Variants in RANBP3 observed in about 807,000 individuals in gnomAD.
The protein encoded by RANBP3 is ran-binding protein 3.
Under a neutral mutation model 77.3 loss-of-function variants are expected in RANBP3, and 14 were observed. The ratio of observed to expected loss-of-function variants is 0.18; its 90% CI spans 0.12 to 0.28. The LOEUF is 0.28. RANBP3 is among the 10% of genes least tolerant of loss of function. RANBP3 has a pLI of 1.00. For synonymous variants in RANBP3, 315 were observed against 312.4 expected, an observed-to-expected ratio of 1.01 and a Z score of -0.09; for missense variants, 586 against 752.3, an observed-to-expected ratio of 0.78 and a Z score of 2.59.
At chr19:5,956,625 T>C (rs2058337676) in intron 2 of RANBP3, among the ~76,000 whole-genome samples, 2 of 152,168 alleles carry the variant, frequency 1.3e-5, no homozygotes, top group Admixed American at 1.3e-4. Context: ...GGGAGGGGTG[T>C]GCTGGGGGAG....
At chr19:5,966,502 A>G (rs2058469367) in intron 1 of RANBP3, among the ~76,000 whole-genome samples, 1 of 152,208 alleles carries the variant, frequency 6.6e-6, no homozygotes, top group Non-Finnish European at 1.5e-5. Flanking sequence ...CTAAGCTGAC[A>G]ACACACACAC....
intron 15 of RANBP3, 76 bp downstream of exon 15, chr19:5,918,420 C>A (rs2057773375): frequency 1.4e-6 from 1 of 705,200 alleles, no homozygotes. Flanking sequence ...ACCGTCCTGC[C>A]TGATCTGTGT....
chr19:5,935,999 C>A (rs887109904), intron 5 of RANBP3, among the ~76,000 whole-genome samples: 1 of 152,230 alleles, frequency 6.6e-6, no homozygotes, highest in Non-Finnish European at 1.5e-5. Context: ...GCAGCCTTTG[C>A]CCTCCTGGGA....
intron 1 of RANBP3, among the ~76,000 whole-genome samples, chr19:5,975,748 C>T (rs995913326): frequency 2.0e-5 from 3 of 150,490 alleles, no homozygotes; most frequent in South Asian, 2.1e-4. Context: ...GCCAGAGAAG[C>T]TCTCATTAAT....
At chr19:5,966,191 G>C (rs1310146191) in intron 1 of RANBP3, among the ~76,000 whole-genome samples, 1 of 152,224 alleles carries the variant, frequency 6.6e-6, no homozygotes, top group Non-Finnish European at 1.5e-5. Context: ...GAATAAAGTA[G>C]CTGTCAGTTG....
At chr19:5,931,648 A>C in intron 7 of RANBP3, 117 bp from the exon 8 acceptor site, 1 of 1,092,056 alleles carries the variant, frequency 9.2e-7, no homozygotes, top group Non-Finnish European at 1.3e-6. Context: ...GGTAAAGCCC[A>C]CAGCACATGT....
intron 5 of RANBP3, among the ~76,000 whole-genome samples, chr19:5,938,018 C>A (rs1268478405): frequency 2.0e-5 from 3 of 152,182 alleles, no homozygotes; most frequent in African/African-American, 7.2e-5. Flanking sequence ...TTCCTGAGGA[C>A]CCTGAAACAC....
intron 1 of RANBP3, among the ~76,000 whole-genome samples, chr19:5,961,638 C>T (rs1485047817): frequency 1.3e-5 from 2 of 152,094 alleles, no homozygotes; most frequent in Non-Finnish European, 2.9e-5. Flanking sequence ...GAGGCTGAGG[C>T]AGGAGAATCA....
chr19:5,926,015 G>A lies in RANBP3; in HGVS notation c.814-278C>T, dbSNP rs56398104. 4.7e-3 allele frequency among the ~76,000 whole-genome samples: 722 copies of A among 152,226 alleles called. 2 individuals are homozygous for A. Among genetic ancestry groups the A allele is most frequent in the Non-Finnish European group, 9.0e-3 (611 of 68,012 alleles). On this transcript the variant is annotated intron_variant, in intron 9 of 16. Coordinates refer to ENST00000340578, the MANE Select transcript of RANBP3 (RefSeq NM_007322.3). ...AAACCACGCCTTGTTATAAAACCACGCCTAAGCTGGCCTCTCGGTCAATGC... is the reference window on the plus strand; with the variant it reads ...AAACCACGCCTTGTTATAAAACCACACCTAAGCTGGCCTCTCGGTCAATGC...
chr19:5,919,747 A>C (rs1179201395), intron 14 of RANBP3, among the ~76,000 whole-genome samples: 1 of 152,108 alleles, frequency 6.6e-6, no homozygotes, highest in Non-Finnish European at 1.5e-5. Flanking sequence ...TAAAGTATAA[A>C]AAAATTAGCC....
At chr19:5,961,206 G>C (rs1400917268) in intron 1 of RANBP3, among the ~76,000 whole-genome samples, 1 of 149,060 alleles carries the variant, frequency 6.7e-6, no homozygotes, top group Non-Finnish European at 1.5e-5. Flanking sequence ...CACTTTGGGA[G>C]GCCGAGGTGG....
intron 13 of RANBP3, 117 bp downstream of exon 13, chr19:5,923,077 C>A: frequency 1.3e-6 from 1 of 793,100 alleles, no homozygotes; most frequent in Non-Finnish European, 2.1e-6. Flanking sequence ...GGCCAGTGGC[C>A]CCTCCGTCAT....
At chr19:5,970,329 G>A (rs2058515655) in intron 1 of RANBP3, among the ~76,000 whole-genome samples, 1 of 152,042 alleles carries the variant, frequency 6.6e-6, no homozygotes, top group African/African-American at 2.4e-5. Context: ...TGGCTTCTGG[G>A]ATTCACCGCC....
chr19:5,968,752 G>A (rs962067322), intron 1 of RANBP3, among the ~76,000 whole-genome samples: 1 of 152,226 alleles, frequency 6.6e-6, no homozygotes, highest in African/African-American at 2.4e-5. Context: ...GCCGAGCCGA[G>A]CAGCCAAGCC....
At chr19:5,953,585 T>A (rs1391700761) in intron 2 of RANBP3, among the ~76,000 whole-genome samples, 3 of 152,212 alleles carry the variant, frequency 2.0e-5, no homozygotes. Context: ...TAACAAATGC[T>A]CTGGAGAGAG....
intron 1 of RANBP3, among the ~76,000 whole-genome samples, chr19:5,966,654 T>G (rs1568480898): frequency 6.6e-6 from 1 of 152,258 alleles, no homozygotes; most frequent in Admixed American, 6.5e-5. Flanking sequence ...CAGCCTGTCA[T>G]GGAGGATCTC....
chr19:5,939,110 G>A (rs1418386967), intron 5 of RANBP3, among the ~76,000 whole-genome samples: 3 of 151,858 alleles, frequency 2.0e-5, no homozygotes, highest in East Asian at 3.9e-4. Context: ...ACTTGAACCC[G>A]GGAGGCGGAG....
chr19:5,946,526 C>T (rs1312625601), intron 3 of RANBP3, among the ~76,000 whole-genome samples: 4 of 152,158 alleles, frequency 2.6e-5, no homozygotes, highest in African/African-American at 7.2e-5. Context: ...CAGGAAGATT[C>T]GACAGGGGAA....
At position 5,952,895 on chromosome 19, in the gene RANBP3, G is replaced by A. The variant is rs1318709687; in HGVS notation, c.79-1299C>T. Among the ~76,000 whole-genome samples the A allele has an allele frequency of 2.6e-5, 4 of 152,102 alleles. No homozygotes were observed. The highest frequency in any genetic ancestry group is 1.9e-4 in the East Asian group (1 of 5,180). On this transcript the variant is annotated intron_variant, in intron 2 of 16. Coordinates refer to ENST00000340578, the MANE Select transcript of RANBP3 (RefSeq NM_007322.3). This position sits in a 1 kb window ranked among gnomAD's most constrained non-coding sequence, Gnocchi z 4.1. ...AAACCTGCACAGGGCACCGTGGTTC[G>A]TCCAGCCACCCATGTCTGTTGCTAC...
Sources: allele counts gnomAD v4.1 joint callset (sites outside exome capture counted in the v4.1 genomes callset), GRCh38; gene constraint gnomAD v4.1.1; non-coding constraint Gnocchi (gnomAD v3.1); transcripts MANE v1.5; gene names NCBI Gene and HGNC (gene_info 2026-07-23, HGNC 2026-07-21).